Variants in DAG1 observed in about 807,000 individuals in gnomAD.
DAG1 encodes the protein dystroglycan 1.
In DAG1, 8 loss-of-function variants were observed where a neutral mutation model predicts 46.1. The ratio of observed to expected loss-of-function variants is 0.17; its 90% confidence interval spans 0.10 to 0.31. The LOEUF is 0.31. Ranked by LOEUF, DAG1 falls within the 10% of genes least tolerant of loss-of-function variation. DAG1 has a pLI of 1.00. For missense variants in DAG1, 1,003 were observed against 1,189.9 expected, an observed-to-expected ratio of 0.84 and a Z score of 2.31; for synonymous variants, 495 against 481.8, an observed-to-expected ratio of 1.03 and a Z score of -0.36.
Position 49,510,767 on chromosome 3 carries a change from T to C in DAG1, c.233T>C (p.Phe78Ser). 1 of 1,614,186 alleles carries C rather than the reference T, an allele frequency of 6.2e-7. No individual in the cohort carries two copies. The highest frequency in any genetic ancestry group is 8.5e-7 in the Non-Finnish European group (1 of 1,180,026). Residue 78 changes from phenylalanine to serine, a missense_variant, in exon 2 of 3, where the codon TTT (phenylalanine) becomes TCT (serine). This residue lies in a region of DAG1 where 196 missense variants were observed against 239.1 expected (regional missense o/e 0.82). Transcript: ENST00000308775. Reference sequence around the variant, plus strand: ...GGCACGGCTGTCGTCGGGCGCTCATTTCGAGTGACCATTCCAACAGATTTG... The same window carrying C: ...GGCACGGCTGTCGTCGGGCGCTCATCTCGAGTGACCATTCCAACAGATTTG... The part of the protein sequence containing the change: ...PDGTAVVGRS[F>S]RVTIPTDLIA...
Position 49,530,718 on chromosome 3 carries a change from A to G in DAG1, c.286-79A>G, listed in dbSNP as rs931126154. On this transcript the variant is annotated intron_variant, in intron 2 of 2. Transcript: ENST00000308775. ...AATTATACCTTAAACCTGTCACACA[A>G]TTCAGGTTAACTGTTGTGATCATAT... 22 of 1,598,938 alleles carry G rather than the reference A, an allele frequency of 1.4e-5. No individual in the cohort carries two copies. In the African/African-American group the frequency reaches 2.5e-4, roughly 19 times the overall value.
At chr3:49,487,692 C>CTTTTTTTTTTTTTTTTTTT (rs10686005) in intron 1 of DAG1, among the ~76,000 whole-genome samples, 7 of 105,718 alleles carry the variant, frequency 6.6e-5, no homozygotes, top group Non-Finnish European at 7.2e-5. Flanking sequence ...CCCATACATT[C>CTTTTTTTTTTTTTTTTTTT]TTTTTTTTTT....
intron 2 of DAG1, among the ~76,000 whole-genome samples, chr3:49,523,377 C>T (rs991761866): frequency 6.6e-6 from 1 of 152,114 alleles, no homozygotes; most frequent in African/African-American, 2.4e-5. Context: ...TGTGCCTGGC[C>T]TAGTCCACCT....
At position 49,527,665 on chromosome 3, in the gene DAG1, T is replaced by G. The variant is rs192504590; in HGVS notation, c.286-3132T>G. On this transcript the variant is annotated intron_variant, in intron 2 of 2. Transcript: ENST00000308775. Reference sequence around the variant, plus strand: ...TTGCAGTGAGCCGAGATCACGCCCCTGCACTCCAGCCTGGGTGATAGAGTG... The same window carrying G: ...TTGCAGTGAGCCGAGATCACGCCCCGGCACTCCAGCCTGGGTGATAGAGTG... Among the ~76,000 whole-genome samples, 411 of 152,184 alleles carry G rather than the reference T, an allele frequency of 2.7e-3. 2 individuals are homozygous for G. The highest frequency in any genetic ancestry group is 9.6e-3 in the African/African-American group (399 of 41,534).
At chr3:49,529,565 A>G (rs2051285970) in intron 2 of DAG1, among the ~76,000 whole-genome samples, 1 of 152,138 alleles carries the variant, frequency 6.6e-6, no homozygotes, top group African/African-American at 2.4e-5. Context: ...GGGAGGGGGA[A>G]GCATTTTAGG....
intron 1 of DAG1, among the ~76,000 whole-genome samples, chr3:49,508,069 A>G (rs2050655382): frequency 6.6e-6 from 1 of 151,248 alleles, no homozygotes; most frequent in African/African-American, 2.4e-5. Flanking sequence ...TCTTGAGATC[A>G]ATTTTATTAA....
intron 1 of DAG1, among the ~76,000 whole-genome samples, chr3:49,484,300 A>G (rs1231634871): frequency 6.6e-6 from 1 of 152,010 alleles, no homozygotes; most frequent in Non-Finnish European, 1.5e-5. Context: ...TGTAGGGGAG[A>G]AATCTTAGCA....
chr3:49,511,290 C>A (rs968243699), intron 2 of DAG1, among the ~76,000 whole-genome samples: 1 of 152,184 alleles, frequency 6.6e-6, no homozygotes, highest in Admixed American at 6.5e-5. Flanking sequence ...ACCCAAACTT[C>A]AGCCTTGCCC....
chr3:49,531,939 G>A lies in DAG1; in HGVS notation c.1428G>A (p.Pro476=), dbSNP rs376556624. ...VSITRLETAS[P]PTRIRTTTSG... ...TCACCAGATTGGAAACTGCCTCACC[G>A]CCTACTCGTATTCGCACCACCACCA... Residue 476 remains proline, a synonymous_variant, in exon 3 of 3, where the codon CCG becomes CCA. Transcript: ENST00000308775. The surrounding 1 kb of genome is among the most constrained non-coding windows in gnomAD (Gnocchi z 7.0). 6 of 1,614,160 alleles carry A rather than the reference G, an allele frequency of 3.7e-6. No homozygotes were observed. The highest frequency in any genetic ancestry group is 1.6e-4 in the Middle Eastern group (1 of 6,062).
chr3:49,494,721 G>T (rs942315452), intron 1 of DAG1, among the ~76,000 whole-genome samples: 1 of 151,368 alleles, frequency 6.6e-6, no homozygotes, highest in African/African-American at 2.4e-5. Context: ...TGCAACCTCC[G>T]CCTCACAGGT....
chr3:49,486,229 T>TATTA (rs2050022086), intron 1 of DAG1, among the ~76,000 whole-genome samples: 1 of 141,500 alleles, frequency 7.1e-6, no homozygotes, highest in Non-Finnish European at 1.6e-5. Context: ...TTTATTTATT[T>TATTA]ATTTTTTGAG....
chr3:49,502,825 G>A (rs1467499389), intron 1 of DAG1, among the ~76,000 whole-genome samples: 10 of 151,988 alleles, frequency 6.6e-5, no homozygotes, highest in Non-Finnish European at 1.5e-4. Context: ...TTTTAGTACA[G>A]ACGGGGTTTC....
chr3:49,524,826 A>C (rs1478358037), intron 2 of DAG1, among the ~76,000 whole-genome samples: 1 of 151,800 alleles, frequency 6.6e-6, no homozygotes, highest in Non-Finnish European at 1.5e-5. Flanking sequence ...CTACACACCC[A>C]CACACACAAA....
intron 1 of DAG1, among the ~76,000 whole-genome samples, chr3:49,485,263 C>T (rs2107174884): frequency 6.7e-6 from 1 of 150,336 alleles, no homozygotes; most frequent in African/African-American, 2.4e-5. Flanking sequence ...GCGTGAGCCA[C>T]CGCACCCGGC....
At chr3:49,520,800 T>C (rs927014995) in intron 2 of DAG1, among the ~76,000 whole-genome samples, 3 of 152,198 alleles carry the variant, frequency 2.0e-5, no homozygotes, top group Admixed American at 2.0e-4. Flanking sequence ...TTACTGGCCA[T>C]CATCAGCTGT....
chr3:49,523,754 T>C (rs1283758830), intron 2 of DAG1, among the ~76,000 whole-genome samples: 1 of 152,152 alleles, frequency 6.6e-6, no homozygotes, highest in Non-Finnish European at 1.5e-5. Context: ...TCAGAGCCCA[T>C]GGGAGCCATA....
intron 1 of DAG1, among the ~76,000 whole-genome samples, chr3:49,504,306 C>T (rs2050537737): frequency 6.6e-6 from 1 of 151,348 alleles, no homozygotes; most frequent in South Asian, 2.1e-4. Context: ...GGAAATTCAT[C>T]CAAGTTGTTG....
At chr3:49,512,441 G>A (rs1028767428) in intron 2 of DAG1, among the ~76,000 whole-genome samples, 4 of 151,390 alleles carry the variant, frequency 2.6e-5, no homozygotes, top group Non-Finnish European at 5.9e-5. Flanking sequence ...ACCCAAGCTG[G>A]AATGCAATGA....
chr3:49,474,993 T>C (rs1170685135), intron 1 of DAG1, among the ~76,000 whole-genome samples: 2 of 151,762 alleles, frequency 1.3e-5, no homozygotes, highest in East Asian at 3.9e-4. Context: ...TTTGTATTTT[T>C]AGTAGAGACG....
Sources: allele counts gnomAD v4.1 joint callset (sites outside exome capture counted in the v4.1 genomes callset), GRCh38; gene constraint gnomAD v4.1.1; regional missense constraint gnomAD v4.1.1; non-coding constraint Gnocchi (gnomAD v3.1); transcripts MANE v1.5; gene names NCBI Gene and HGNC (gene_info 2026-07-23, HGNC 2026-07-21).